Variants in FBXL13 observed in about 807,000 individuals in gnomAD.
The protein encoded by FBXL13 is F-box and leucine rich repeat protein 13, also known as F-box and leucine-rich repeat protein 13.
In FBXL13, 67 loss-of-function variants were observed where a neutral mutation model predicts 83.6. The ratio of observed to expected loss-of-function variants is 0.80; its 90% CI spans 0.66 to 0.98. The LOEUF (loss-of-function observed/expected upper bound fraction) is 0.98. Among genes scored for constraint, FBXL13 ranks in the 50% least tolerant of loss-of-function variants. The probability of loss-of-function intolerance (pLI) is 0.00; values close to 1 mark genes in which losing one functional copy is unlikely to be tolerated. For synonymous variants in FBXL13, 272 were observed against 299.5 expected (o/e 0.91, Z 0.95); for missense variants, 822 against 866.5 (o/e 0.95, Z 0.64).
chr7:102,813,199 A>G, downstream of FBXL13: 1 of 762,012 alleles, frequency 1.3e-6, no homozygotes. Flanking sequence ...GTTTGGAAAT[A>G]TTTGTAGTTG....
At chr7:102,929,097 C>T (rs1260205037) in intron 9 of FBXL13, among the ~76,000 whole-genome samples, 1 of 152,140 alleles carries the variant, frequency 6.6e-6, no homozygotes, top group Admixed American at 6.5e-5. Context: ...AATTTAAATG[C>T]TGACTCTGTG....
intron 11 of FBXL13, among the ~76,000 whole-genome samples, chr7:102,903,183 G>C (rs1813194351): frequency 6.6e-6 from 1 of 151,884 alleles, no homozygotes; most frequent in Admixed American, 6.6e-5. Context: ...TATGGTTGTT[G>C]TAAGTGGGTT....
At chr7:103,073,639 C>T (rs771424676) in intron 1 of FBXL13, among the ~76,000 whole-genome samples, 12 of 152,162 alleles carry the variant, frequency 7.9e-5, no homozygotes, top group Admixed American at 2.0e-4. Flanking sequence ...TATCCTTGTA[C>T]ATCCTCCTGA....
At chr7:102,921,894 A>G (rs187450573) in intron 10 of FBXL13, among the ~76,000 whole-genome samples, 9 of 152,038 alleles carry the variant, frequency 5.9e-5, no homozygotes, top group African/African-American at 2.2e-4. Flanking sequence ...TTTGCTCTAA[A>G]TATCACTGGG....
intron 6 of FBXL13, among the ~76,000 whole-genome samples, chr7:102,969,803 G>T (rs982808880): frequency 4.7e-5 from 6 of 128,088 alleles, no homozygotes; most frequent in African/African-American, 1.8e-4. Flanking sequence ...GTCCAAAAAG[G>T]GGAAGGGAAA....
At chr7:102,887,610 T>A (rs907032939) in intron 11 of FBXL13, among the ~76,000 whole-genome samples, 1 of 152,216 alleles carries the variant, frequency 6.6e-6, no homozygotes, top group African/African-American at 2.4e-5. Flanking sequence ...GCAGCAGAAT[T>A]GTTTCCTCTT....
chr7:103,044,465 G>A (rs1796067463), intron 2 of FBXL13, among the ~76,000 whole-genome samples: 1 of 152,132 alleles, frequency 6.6e-6, no homozygotes, highest in African/African-American at 2.4e-5. Flanking sequence ...ATAAGACAGT[G>A]GCACTGTGTT....
chr7:102,815,841 G>A (rs911727655), intron 19 of FBXL13, among the ~76,000 whole-genome samples: 3 of 152,046 alleles, frequency 2.0e-5, no homozygotes, highest in African/African-American at 4.8e-5. Context: ...ACAAGCCAGG[G>A]TAAATTAGAT....
intron 2 of FBXL13, among the ~76,000 whole-genome samples, chr7:103,031,855 C>T (rs1263019009): frequency 2.0e-5 from 3 of 152,132 alleles, no homozygotes; most frequent in Non-Finnish European, 2.9e-5. Flanking sequence ...TACAAGAAGC[C>T]AGTTGGAATC....
intron 6 of FBXL13, among the ~76,000 whole-genome samples, chr7:102,980,809 A>T (rs1828114358): frequency 6.6e-6 from 1 of 152,154 alleles, no homozygotes; most frequent in African/African-American, 2.4e-5. Flanking sequence ...ATAAACTCTT[A>T]TCAAAAAAAT....
intron 11 of FBXL13, among the ~76,000 whole-genome samples, chr7:102,906,866 T>C (rs1813834527): frequency 6.6e-6 from 1 of 152,204 alleles, no homozygotes; most frequent in Non-Finnish European, 1.5e-5. Flanking sequence ...ATAACCTTCT[T>C]GTACTTGGAT....
chr7:102,983,630 G>C (rs1828564413), intron 6 of FBXL13, among the ~76,000 whole-genome samples: 2 of 151,776 alleles, frequency 1.3e-5, no homozygotes, highest in Non-Finnish European at 2.9e-5. Flanking sequence ...ATGTCGGCCG[G>C]GGCTGGTCTT....
chr7:102,909,366 C>G (rs1457800748), intron 11 of FBXL13, among the ~76,000 whole-genome samples: 1 of 152,084 alleles, frequency 6.6e-6, no homozygotes, highest in African/African-American at 2.4e-5. Context: ...TCGCGGACCC[C>G]AAGAACCTGC....
chr7:103,022,336 G>T (rs1160577822), intron 6 of FBXL13, among the ~76,000 whole-genome samples: 1 of 150,426 alleles, frequency 6.6e-6, no homozygotes, highest in Admixed American at 6.7e-5. Flanking sequence ...GTAGTGGGGT[G>T]GGGGGAGGGG....
At chr7:102,820,449 T>C (rs1206361211) in intron 19 of FBXL13, among the ~76,000 whole-genome samples, 5 of 152,234 alleles carry the variant, frequency 3.3e-5, no homozygotes, top group Non-Finnish European at 7.3e-5. Flanking sequence ...CAAGTCTTAC[T>C]ATGCCTTGTT....
intron 2 of FBXL13, among the ~76,000 whole-genome samples, chr7:103,044,783 A>G (rs992075950): frequency 1.3e-5 from 2 of 152,186 alleles, no homozygotes; most frequent in African/African-American, 2.4e-5. Flanking sequence ...AAGTCTGTGA[A>G]GTTCATTTCC....
intron 11 of FBXL13, among the ~76,000 whole-genome samples, chr7:102,898,039 A>G (rs1812470093): frequency 6.6e-6 from 1 of 152,236 alleles, no homozygotes; most frequent in Admixed American, 6.5e-5. Flanking sequence ...GCTTTCCTGC[A>G]GAAACCACAT....
intron 2 of FBXL13, chr7:103,050,080 T>TA (rs1222120226): frequency 6.6e-6 from 1 of 152,258 alleles, no homozygotes; most frequent in Non-Finnish European, 1.5e-5. Flanking sequence ...GCACACATTT[T>TA]ATCCTAAGGT....
chr7:103,016,318 G>T (rs901697041), intron 6 of FBXL13, among the ~76,000 whole-genome samples: 6 of 138,478 alleles, frequency 4.3e-5, no homozygotes, highest in African/African-American at 8.1e-5. Context: ...ACAGAAATGT[G>T]GGGGGGGTGG....
Sources: allele counts gnomAD v4.1 joint callset (sites outside exome capture counted in the v4.1 genomes callset), GRCh38; gene constraint gnomAD v4.1.1; transcripts MANE v1.5; gene names NCBI Gene and HGNC (gene_info 2026-07-23, HGNC 2026-07-21).